ZNF536: variants seen among roughly 807,000 people sequenced by gnomAD.
The protein encoded by ZNF536 is zinc finger protein 536.
A neutral mutation model predicts 84.5 loss-of-function variants in ZNF536; 13 were observed. That is an observed-to-expected ratio of 0.15 (90% CI 0.10 to 0.24). ZNF536 has a LOEUF of 0.24. Ranked by LOEUF, ZNF536 falls within the 10% of genes least tolerant of loss-of-function variation. The pLI is 1.00. For missense variants in ZNF536, 1,536 were observed against 1,747.5 expected (o/e 0.88, Z 2.16); for synonymous variants, 811 against 742.5 (o/e 1.09, Z -1.50).
intron 2 of ZNF536, among the ~76,000 whole-genome samples, chr19:30,348,062 GT>G (rs1254725791): frequency 1.3e-5 from 2 of 152,180 alleles, no homozygotes; most frequent in Non-Finnish European, 2.9e-5. Flanking sequence ...ATTTACATGT[GT>G]TTATGCATTT....
rs559130213 is a variant in ZNF536, at chr19:30,645,437, A to T, written c.170-65320A>T. Reference sequence around the variant, plus strand: ...CTTTTGGTGGCATTTCTTTAAAAAAATTTTTTTGGGGGGAATCAATGCCTT... The same window carrying T: ...CTTTTGGTGGCATTTCTTTAAAAAATTTTTTTTGGGGGGAATCAATGCCTT... On this transcript the variant is annotated intron_variant, in intron 1 of 1. Transcript: ENST00000592773. Among the ~76,000 whole-genome samples the T allele has an allele frequency of 2.6e-4, 39 of 152,216 alleles. No individual in the cohort carries two copies. The South Asian group carries it at 4.1e-3, about 16-fold the overall frequency.
rs960413005 is a variant in ZNF536, at chr19:30,236,532, G to GGA, written c.-190+7860_-190+7861insAG. On this transcript the variant is annotated intron_variant, in intron 1 of 5. Coordinates refer to the ZNF536 transcript ENST00000585628. ...AAAGCTTTTGTTAAAGTTGGGGCGG[G>GGA]GGGGGGGTACAATTGGAATTTTAGT... Among the ~76,000 whole-genome samples, 52 of 149,394 alleles carry GGA rather than the reference G, an allele frequency of 3.5e-4. No individual in the cohort carries two copies. In the East Asian group the frequency reaches 5.3e-3, roughly 15 times the overall value.
chr19:30,229,609 G>A (rs1290068436), intron 1 of ZNF536, among the ~76,000 whole-genome samples: 2 of 152,200 alleles, frequency 1.3e-5, no homozygotes, highest in Non-Finnish European at 2.9e-5. Flanking sequence ...AGTCGCAGGG[G>A]GTCGCCCCTG....
At position 30,549,033 on chromosome 19, in the gene ZNF536, G is replaced by A. The variant is rs2146233324; in HGVS notation, c.3414G>A (p.Lys1138=). 1 of 1,614,176 alleles carries A rather than the reference G, an allele frequency of 6.2e-7. No homozygotes were observed. Among genetic ancestry groups the A allele is most frequent in the East Asian group, 2.2e-5 (1 of 44,866 alleles). Reference sequence around the variant, plus strand: ...GCCCCAACAAGGAGCCTGATGGAAAGGCCCACTCTGAAGAGGATGTCCCCA... The same window carrying A: ...GCCCCAACAAGGAGCCTGATGGAAAAGCCCACTCTGAAGAGGATGTCCCCA... ...SSCPNKEPDG[K]AHSEEDVPIL... The change falls in exon 4 of 5, where the codon AAG becomes AAA. Residue 1138 remains lysine, a synonymous_variant. Coordinates refer to ENST00000355537, the MANE Select transcript of ZNF536 (RefSeq NM_014717.3).
rs531298175 is a variant in ZNF536 at position 30,311,154 on chromosome 19, C to T, written c.-120+27013C>T. 5.9e-5 allele frequency among the ~76,000 whole-genome samples: 9 copies of T among 152,196 alleles called. No individual in the cohort carries two copies. In the South Asian group the frequency reaches 1.7e-3, roughly 28 times the overall value. ...CAGTGACTGCCTGCCTCTAGAGGGG[C>T]CTCTCTGTGCTTCCTGGGGCTGTGT... is the stretch of plus-strand genomic sequence containing the variant. On this transcript the variant is annotated intron_variant, in intron 2 of 5. Transcript: ENST00000585628.
intron 1 of ZNF536, among the ~76,000 whole-genome samples, chr19:30,655,409 G>T (rs1227386944): frequency 6.6e-6 from 1 of 152,150 alleles, no homozygotes; most frequent in African/African-American, 2.4e-5. Flanking sequence ...CACATGCAAG[G>T]GGAATGCCAT....
At chr19:30,557,050 C>T in intron 4 of ZNF536, 107 bp from the exon 5 acceptor site, 1 of 1,220,692 alleles carries the variant, frequency 8.2e-7, no homozygotes, top group Admixed American at 1.9e-5. Flanking sequence ...ACTTTATTGT[C>T]ATTATTCCAT....
chr19:30,263,332 A>G (rs2025326353), intron 1 of ZNF536, among the ~76,000 whole-genome samples: 1 of 152,080 alleles, frequency 6.6e-6, no homozygotes, highest in East Asian at 1.9e-4. Context: ...TGGAACCCGG[A>G]GCCCCTACAG....
rs34995610 is a variant in ZNF536, at chr19:30,569,559, C to CTTTTTTTTTTTTTTTTTTTTT, written c.169+20055_169+20075dup. Among the ~76,000 whole-genome samples the CTTTTTTTTTTTTTTTTTTTTT allele has an allele frequency of 7.3e-5, 4 of 55,106 alleles. 1 individual carries two copies. The highest frequency in any genetic ancestry group is 1.3e-4 in the Non-Finnish European group (4 of 30,306). 36.2% of individuals were successfully genotyped at this position (55,106 alleles called of 152,430 possible). On this transcript the variant is annotated intron_variant, in intron 1 of 1. Transcript: ENST00000592773. ...ATGGAATCGAAGCCAGATAAACGTTCTTTTTTTTTTTTTTTTTTTTTTTTT... is the reference window on the plus strand; with the variant it reads ...ATGGAATCGAAGCCAGATAAACGTTCTTTTTTTTTTTTTTTTTTTTTTTTTTTTTTTTTTTTTTTTTTTTTT...
intron 1 of ZNF536, among the ~76,000 whole-genome samples, chr19:30,402,572 T>A (rs2050086619): frequency 6.6e-6 from 1 of 151,720 alleles, no homozygotes; most frequent in Non-Finnish European, 1.5e-5. Context: ...CTGTTCTACC[T>A]CTCCCAGCCA....
intron 1 of ZNF536, among the ~76,000 whole-genome samples, chr19:30,253,142 A>G (rs996432070): frequency 2.6e-5 from 4 of 152,182 alleles, no homozygotes; most frequent in Non-Finnish European, 4.4e-5. Context: ...TCCTAACCGC[A>G]GGGAGACCCT....
chr19:30,657,433 A>G (rs1466932412), intron 1 of ZNF536, among the ~76,000 whole-genome samples: 1 of 152,220 alleles, frequency 6.6e-6, no homozygotes, highest in South Asian at 2.1e-4. Context: ...ACCCTGTGCT[A>G]AAGCCACCTC....
chr19:30,428,894 A>AT (rs2051327735), intron 1 of ZNF536, among the ~76,000 whole-genome samples: 1 of 152,164 alleles, frequency 6.6e-6, no homozygotes, highest in Admixed American at 6.5e-5. Context: ...GGGTTTGGCT[A>AT]TGCGGTCCCT....
chr19:30,290,479 C>G (rs1483710793), intron 2 of ZNF536, among the ~76,000 whole-genome samples: 2 of 151,964 alleles, frequency 1.3e-5, no homozygotes, highest in Non-Finnish European at 2.9e-5. Context: ...TCTATGTTGC[C>G]CAGGCTGCAC....
chr19:30,538,974 G>A (rs1156993569), intron 3 of ZNF536, among the ~76,000 whole-genome samples: 4 of 151,946 alleles, frequency 2.6e-5, no homozygotes, highest in Admixed American at 6.6e-5. Flanking sequence ...TTGGGAGGCC[G>A]AGGCGGGAGG....
chr19:30,645,162 T>A (rs960398387), intron 1 of ZNF536, among the ~76,000 whole-genome samples: 5 of 152,254 alleles, frequency 3.3e-5, no homozygotes, highest in Non-Finnish European at 5.9e-5. Flanking sequence ...TGCATAAATG[T>A]CTTCTTTTGA....
intron 2 of ZNF536, among the ~76,000 whole-genome samples, chr19:30,459,673 G>A (rs183829305): frequency 6.6e-6 from 1 of 152,268 alleles, no homozygotes; most frequent in Non-Finnish European, 1.5e-5. Flanking sequence ...GTTGGGAGGT[G>A]TGCAGCTCAC....
At chr19:30,663,512 C>T (rs911528455) in intron 1 of ZNF536, among the ~76,000 whole-genome samples, 1 of 152,178 alleles carries the variant, frequency 6.6e-6, no homozygotes, top group African/African-American at 2.4e-5. Flanking sequence ...ATACGATTTT[C>T]TAATATTATT....
chr19:30,505,790 C>T (rs755215561), intron 2 of ZNF536, among the ~76,000 whole-genome samples: 21 of 151,882 alleles, frequency 1.4e-4, no homozygotes, highest in African/African-American at 3.6e-4. Context: ...CTCAGCCTCC[C>T]GACTAGCTGG....
Sources: gnomAD v4.1 joint callset for allele counts (sites outside exome capture counted in the v4.1 genomes callset) on GRCh38, gnomAD v4.1.1 for gene constraint, MANE v1.5 for transcripts, NCBI Gene and HGNC (gene_info 2026-07-23, HGNC 2026-07-21) for gene names.